The following TTC7A variants were observed in gnomAD, a reference collection of about 807,000 sequenced individuals.
The protein encoded by TTC7A is tetratricopeptide repeat protein 7A.
TTC7A carries 110 observed loss-of-function variants against 103.7 expected under a neutral mutation model. The observed-to-expected ratio is 1.06, with a 90% CI of 0.91 to 1.24. TTC7A has a LOEUF of 1.24. Among genes scored for constraint, TTC7A ranks in the 50% most tolerant of loss-of-function variants. The probability of loss-of-function intolerance (pLI) is 0.00; values close to 1 mark genes in which losing one functional copy is unlikely to be tolerated. For synonymous variants in TTC7A, 521 were observed against 467.9 expected, an observed-to-expected ratio of 1.11 and a Z score of -1.47; for missense variants, 1,340 against 1,116.3, an observed-to-expected ratio of 1.20 and a Z score of -2.86.
rs2104232195 is a variant in TTC7A, at chr2:46,975,094, A to G, written c.639A>G (p.Glu213=). 6.2e-7 allele frequency: 1 copy of G among 1,613,488 alleles called. No homozygotes were observed. The highest frequency in any genetic ancestry group is 8.5e-7 in the Non-Finnish European group (1 of 1,179,610). The change falls in exon 4 of 20, where the codon GAA becomes GAG. Residue 213 remains glutamate, a synonymous_variant. Coordinates refer to ENST00000319190, the MANE Select transcript of TTC7A (RefSeq NM_020458.4). ...ASWIAQVFLQ[E]LEKTTNNSTS... ...GGATCGCTCAGGTGTTCCTGCAGGA[A>G]TTGGAGAAGGTGAGCTGGAAATAAC...
chr2:46,980,708 G>T (rs1226315332), intron 5 of TTC7A, among the ~76,000 whole-genome samples: 1 of 152,196 alleles, frequency 6.6e-6, no homozygotes. Flanking sequence ...CAGAGGCTCA[G>T]TCCCATGAAA....
At chr2:47,022,079 A>G (rs1679355871) in intron 12 of TTC7A, 100 bp downstream of exon 12, 2 of 789,942 alleles carry the variant, frequency 2.5e-6, no homozygotes, top group African/African-American at 1.7e-5. Context: ...CCCTCAGGCC[A>G]TGCCTCCATA....
rs541546500 is a variant in TTC7A, at chr2:47,067,526, G to A, written c.2356-6176G>A. Reference sequence around the variant, plus strand: ...AGACAGGGACCTCCAAGATGCCTTCGAGGTTCTCCTACGGTTGGTTGGCTG... The same window carrying A: ...AGACAGGGACCTCCAAGATGCCTTCAAGGTTCTCCTACGGTTGGTTGGCTG... On this transcript the variant is annotated intron_variant, in intron 19 of 19. Coordinates refer to ENST00000319190, the MANE Select transcript of TTC7A (RefSeq NM_020458.4). Among the ~76,000 whole-genome samples, 6 of 152,308 alleles carry A rather than the reference G, an allele frequency of 3.9e-5. No homozygotes were observed. In the East Asian group the frequency reaches 9.6e-4, roughly 24 times the overall value.
intron 11 of TTC7A, among the ~76,000 whole-genome samples, chr2:47,018,512 A>C (rs1247414310): frequency 6.7e-6 from 1 of 148,548 alleles, no homozygotes; most frequent in East Asian, 2.0e-4. Context: ...TGAATCCCAG[A>C]GGTGAAGGTT....
rs1038052550 is a variant in TTC7A, at chr2:46,941,795, G to A, written c.184+70G>A. 8 of 1,533,038 alleles carry A rather than the reference G, an allele frequency of 5.2e-6. No individual in the cohort carries two copies. The highest frequency in any genetic ancestry group is 1.4e-5 in the African/African-American group (1 of 72,568). 95.0% of individuals were successfully genotyped at this position (1,533,038 alleles called of 1,614,324 possible). On this transcript the variant is annotated intron_variant, in intron 1 of 19. Coordinates refer to ENST00000319190, the MANE Select transcript of TTC7A (RefSeq NM_020458.4). This position sits in a 1 kb window ranked among gnomAD's most constrained non-coding sequence, Gnocchi z 4.2. ...ACGCACCGCCTCCTCCAGGAAGCGCGCCCAGACAGTCCTCGGCCGACAGCG... is the reference window on the plus strand; with the variant it reads ...ACGCACCGCCTCCTCCAGGAAGCGCACCCAGACAGTCCTCGGCCGACAGCG...
At chr2:46,991,026 C>T (rs911888926) in intron 5 of TTC7A, among the ~76,000 whole-genome samples, 7 of 152,200 alleles carry the variant, frequency 4.6e-5, no homozygotes, top group Non-Finnish European at 8.8e-5. Context: ...AATTCTCCTG[C>T]CTCAGCTTCC....
At chr2:47,002,670 T>G (rs1676946999) in intron 8 of TTC7A, among the ~76,000 whole-genome samples, 1 of 152,094 alleles carries the variant, frequency 6.6e-6, no homozygotes, top group African/African-American at 2.4e-5. Flanking sequence ...CCCTGGCCCC[T>G]GAGCTGCACA....
At chr2:47,034,500 C>T (rs6717063) in intron 15 of TTC7A, 45,237 of 151,946 alleles carry the variant, frequency 0.3, 7,611 homozygotes, top group East Asian at 0.55. Context: ...CTCTGTGGGG[C>T]GATGGTTTTA....
At chr2:47,050,454 ACT>A (rs2104725266) in intron 17 of TTC7A, 1 of 167,102 alleles carries the variant, frequency 6.0e-6, no homozygotes, top group Admixed American at 5.8e-5. Context: ...TTCTGGAAAA[ACT>A]CATCCTGAAA....
At chr2:47,020,237 G>C (rs1679131619) in intron 11 of TTC7A, among the ~76,000 whole-genome samples, 1 of 152,192 alleles carries the variant, frequency 6.6e-6, no homozygotes, top group Non-Finnish European at 1.5e-5. Context: ...CAGCTGTCAG[G>C]TGCTGAGCCA....
intron 6 of TTC7A, 50 bp from the exon 7 acceptor site, chr2:46,994,307 G>C (rs1392515340): frequency 1.3e-6 from 2 of 1,580,404 alleles, no homozygotes; most frequent in Non-Finnish European, 1.7e-6. Flanking sequence ...GGTCATGCTG[G>C]GGTAGAGCTG....
At chr2:46,973,714 C>A (rs1037498147) in intron 3 of TTC7A, among the ~76,000 whole-genome samples, 2 of 152,136 alleles carry the variant, frequency 1.3e-5, no homozygotes, top group Non-Finnish European at 2.9e-5. Context: ...CTCAAAATGC[C>A]CAAATCGTGC....
Position 46,960,435 on chromosome 2 carries a change from C to T in TTC7A, c.517+3428C>T, listed in dbSNP as rs536015400. On this transcript the variant is annotated intron_variant, in intron 3 of 19. Coordinates refer to ENST00000319190, the MANE Select transcript of TTC7A (RefSeq NM_020458.4). The stretch of plus-strand genomic sequence containing the variant: ...TTCCCAGAAACATGGGGTACAGACC[C>T]ATCCCTCTGGAAGCTGAGCCTCTGA... 2.0e-5 allele frequency among the ~76,000 whole-genome samples: 3 copies of T among 152,184 alleles called. No homozygotes were observed. In the East Asian group the frequency reaches 5.8e-4, roughly 29 times the overall value.
At chr2:47,057,329 G>A (rs1683401880) in intron 18 of TTC7A, among the ~76,000 whole-genome samples, 2 of 152,234 alleles carry the variant, frequency 1.3e-5, no homozygotes, top group Non-Finnish European at 2.9e-5. Context: ...AACTGGGAAT[G>A]GAGCCCATCA....
intron 8 of TTC7A, among the ~76,000 whole-genome samples, chr2:47,005,061 G>C (rs1865259): frequency 0.91 from 139,095 of 152,238 alleles, 63,657 homozygotes; most frequent in East Asian, 1. Flanking sequence ...CTCTCCTACC[G>C]CCACCCCCAG....
chr2:47,064,570 C>T (rs2104795473), intron 19 of TTC7A, among the ~76,000 whole-genome samples: 1 of 152,352 alleles, frequency 6.6e-6, no homozygotes, highest in South Asian at 2.1e-4. Flanking sequence ...CCCCCGGCAG[C>T]CTGCACTCCT....
intron 8 of TTC7A, chr2:46,999,752 T>A: frequency 4.1e-6 from 4 of 985,474 alleles, no homozygotes; most frequent in Non-Finnish European, 4.8e-6. Flanking sequence ...TTCTTATTTC[T>A]GAAATACTGA....
At chr2:47,035,932 T>G (rs1681054601) in intron 15 of TTC7A, among the ~76,000 whole-genome samples, 1 of 152,216 alleles carries the variant, frequency 6.6e-6, no homozygotes, top group Non-Finnish European at 1.5e-5. Flanking sequence ...CCAAGGCAAT[T>G]GCTTCTTTGT....
chr2:47,005,919 C>T lies in TTC7A; in HGVS notation c.1066-3C>T, dbSNP rs1677323424. 5.0e-6 allele frequency: 8 copies of T among 1,614,010 alleles called. No individual in the cohort carries two copies. Among genetic ancestry groups the T allele is most frequent in the Non-Finnish European group, 6.8e-6 (8 of 1,180,030 alleles). On this transcript the variant is annotated splice_polypyrimidine_tract_variant and splice_region_variant and intron_variant, in intron 8 of 19. Coordinates refer to ENST00000319190, the MANE Select transcript of TTC7A (RefSeq NM_020458.4). ...TCTTTCCCAAACAATGTCCCACCCACAGGCAACTCGAGATGTGGTGCTGAG... is the reference window on the plus strand; with the variant it reads ...TCTTTCCCAAACAATGTCCCACCCATAGGCAACTCGAGATGTGGTGCTGAG...
Sources: gnomAD v4.1 joint callset for allele counts (sites outside exome capture counted in the v4.1 genomes callset) on GRCh38, gnomAD v4.1.1 for gene constraint, Gnocchi (gnomAD v3.1) non-coding constraint, MANE v1.5 for transcripts, NCBI Gene and HGNC (gene_info 2026-07-23, HGNC 2026-07-21) for gene names.